LNPK: variants seen among roughly 807,000 people sequenced by gnomAD.
LNPK encodes lunapark, ER junction formation factor, also known as endoplasmic reticulum junction formation protein lunapark.
Under a neutral mutation model 55.2 loss-of-function variants are expected in LNPK, and 29 were observed. That is an observed-to-expected ratio of 0.53 (90% CI 0.39 to 0.72). The LOEUF (loss-of-function observed/expected upper bound fraction) is 0.72. LNPK is among the 30% of genes least tolerant of loss of function. The pLI is 0.00. For synonymous variants in LNPK, 162 were observed against 168.2 expected (o/e 0.96, Z 0.29); for missense variants, 467 against 494.8 (o/e 0.94, Z 0.53).
At chr2:175,957,570 T>C (rs1011992257) in intron 8 of LNPK, among the ~76,000 whole-genome samples, 4 of 151,878 alleles carry the variant, frequency 2.6e-5, no homozygotes, top group African/African-American at 7.3e-5. Context: ...TTATTCCACA[T>C]GGATACTATT....
chr2:175,928,529 AACT>A lies in LNPK; in HGVS notation c.*1435_*1437del, dbSNP rs1445839747. The A allele has an allele frequency of 1.4e-5, 2 of 143,796 alleles. No individual in the cohort carries two copies. The highest frequency in any genetic ancestry group is 3.1e-5 in the Non-Finnish European group (2 of 65,148). 8.9% of individuals were successfully genotyped at this position (143,796 alleles called of 1,614,324 possible). On this transcript the variant is annotated 3_prime_UTR_variant, in exon 13 of 13. Coordinates refer to ENST00000272748, the MANE Select transcript of LNPK (RefSeq NM_030650.3). The stretch of plus-strand genomic sequence containing the variant: ...AGTTCCAAAAAAAAAAAAAAAAAAA[AACT>A]GTCACATATGAGATATTAAATCATA...
chr2:175,998,657 CTGAAA>C (rs1463024090), intron 1 of LNPK, among the ~76,000 whole-genome samples: 5 of 152,030 alleles, frequency 3.3e-5, no homozygotes, highest in South Asian at 2.1e-4. Context: ...AACAAATCTA[CTGAAA>C]TGAAAAGTGA....
At chr2:175,937,733 G>A (rs1684623817) in intron 11 of LNPK, 2 of 381,022 alleles carry the variant, frequency 5.2e-6, no homozygotes, top group Non-Finnish European at 4.7e-6. Context: ...AGGCAGAAAA[G>A]GCATAACAGG....
In LNPK at chr2:175,985,434, T is replaced by A. The variant is rs915621526; in HGVS notation, c.258-5566A>T. 3.3e-5 allele frequency among the ~76,000 whole-genome samples: 5 copies of A among 152,250 alleles called. 1 individual carries two copies. The highest frequency in any genetic ancestry group is 6.3e-3 in the Middle Eastern group (2 of 316). ...TTAATATTTGTTGATATGAAAGACG[T>A]TGGTCTGTTTTGAAACAACTTTTTT... On this transcript the variant is annotated intron_variant, in intron 4 of 12. Transcript: ENST00000272748.
Position 175,991,347 on chromosome 2 carries a change from A to G in LNPK, c.257+884T>C, listed in dbSNP as rs186349872. The stretch of plus-strand genomic sequence containing the variant: ...AAAGCATTCCAAAAGATTTCAAAAA[A>G]TGAAAATAAAGAAAGTAGCAGAGAT... On this transcript the variant is annotated intron_variant, in intron 4 of 12. Coordinates refer to ENST00000272748, the MANE Select transcript of LNPK (RefSeq NM_030650.3). Among the ~76,000 whole-genome samples the G allele has an allele frequency of 2.6e-5, 4 of 152,340 alleles. No homozygotes were observed. In the East Asian group the frequency reaches 5.8e-4, roughly 22 times the overall value.
chr2:175,983,274 A>G (rs1687257800), intron 4 of LNPK, among the ~76,000 whole-genome samples: 1 of 152,154 alleles, frequency 6.6e-6, no homozygotes. Context: ...TTCTGTTCCT[A>G]TGGCAAGGGG....
intron 6 of LNPK, among the ~76,000 whole-genome samples, chr2:175,965,933 G>A (rs1419233147): frequency 6.6e-6 from 1 of 152,148 alleles, no homozygotes; most frequent in Non-Finnish European, 1.5e-5. Flanking sequence ...TTTTTTAGCA[G>A]TGTTGTGCAG....
At position 175,929,107 on chromosome 2, in the gene LNPK, A is replaced by C; in HGVS notation, c.*860T>G. On this transcript the variant is annotated 3_prime_UTR_variant, in exon 13 of 13. Coordinates refer to ENST00000272748, the MANE Select transcript of LNPK (RefSeq NM_030650.3). ...ACTGTTTGAAGAAGACTAGATATTTAGCAAAATGAAACTGATGCCAGATTA... is the reference window on the plus strand; with the variant it reads ...ACTGTTTGAAGAAGACTAGATATTTCGCAAAATGAAACTGATGCCAGATTA... 1.0e-6 allele frequency: 1 copy of C among 985,526 alleles called. No individual in the cohort carries two copies. Among genetic ancestry groups the C allele is most frequent in the East Asian group, 1.1e-4 (1 of 8,818 alleles). The allele number at this position is 985,526 out of a possible 1,614,324, so 61.0% of individuals were successfully genotyped here.
At chr2:175,985,049 C>A (rs1188418119) in intron 4 of LNPK, among the ~76,000 whole-genome samples, 1 of 152,224 alleles carries the variant, frequency 6.6e-6, no homozygotes, top group African/African-American at 2.4e-5. Flanking sequence ...ACACACTGAA[C>A]AACTTGGATG....
At chr2:175,998,690 T>G (rs932586897) in intron 1 of LNPK, among the ~76,000 whole-genome samples, 1 of 152,068 alleles carries the variant, frequency 6.6e-6, no homozygotes, top group African/African-American at 2.4e-5. Context: ...GCACAAGAAA[T>G]AGTATTAGTA....
chr2:176,002,329 G>C (rs187709521), upstream of LNPK: 11 of 422,724 alleles, frequency 2.6e-5, no homozygotes, highest in Admixed American at 2.7e-5. Flanking sequence ...TTGGCGCCGC[G>C]GTCGGCGCGC....
intron 9 of LNPK, among the ~76,000 whole-genome samples, chr2:175,946,069 C>T (rs575978462): frequency 6.6e-6 from 1 of 152,230 alleles, no homozygotes; most frequent in African/African-American, 2.4e-5. Flanking sequence ...AATTTAAACA[C>T]AGTCTTTCAC....
intron 4 of LNPK, among the ~76,000 whole-genome samples, chr2:175,983,836 C>T (rs1189894696): frequency 6.6e-6 from 1 of 150,484 alleles, no homozygotes; most frequent in South Asian, 2.1e-4. Flanking sequence ...TTCCAAAAAA[C>T]GTTGACTGAG....
chr2:175,958,888 G>C (rs1417954915), intron 8 of LNPK, among the ~76,000 whole-genome samples: 1 of 152,152 alleles, frequency 6.6e-6, no homozygotes, highest in African/African-American at 2.4e-5. Context: ...TGACCTGATG[G>C]AGCTGAAAAC....
At chr2:175,959,091 T>G (rs372008205) in intron 8 of LNPK, among the ~76,000 whole-genome samples, 20 of 152,190 alleles carry the variant, frequency 1.3e-4, no homozygotes, top group East Asian at 7.7e-4. Context: ...CTACGTTTCA[T>G]TGGTGTACCT....
chr2:176,001,350 A>C (rs1470088361), intron 1 of LNPK, among the ~76,000 whole-genome samples: 2 of 152,190 alleles, frequency 1.3e-5, no homozygotes, highest in Non-Finnish European at 2.9e-5. Context: ...CACACACCGG[A>C]GGCCAACTGG....
At chr2:175,955,800 T>C (rs1685663011) in intron 8 of LNPK, among the ~76,000 whole-genome samples, 1 of 152,186 alleles carries the variant, frequency 6.6e-6, no homozygotes, top group East Asian at 1.9e-4. Context: ...AAATAAGAAG[T>C]TGTACTCTAT....
intron 12 of LNPK, among the ~76,000 whole-genome samples, chr2:175,934,712 ACTAT>A (rs960354691): frequency 2.0e-5 from 3 of 151,930 alleles, no homozygotes; most frequent in East Asian, 1.9e-4. Flanking sequence ...GTATTACGGT[ACTAT>A]CTATTTAACC....
At chr2:175,994,958 G>A (rs910113439) in intron 2 of LNPK, among the ~76,000 whole-genome samples, 14 of 124,088 alleles carry the variant, frequency 1.1e-4, no homozygotes, top group Non-Finnish European at 1.9e-4. Flanking sequence ...GTCTTGCTCC[G>A]TCACCCAGGC....
Sources: gnomAD v4.1 joint callset for allele counts (sites outside exome capture counted in the v4.1 genomes callset) on GRCh38, gnomAD v4.1.1 for gene constraint, MANE v1.5 for transcripts, NCBI Gene and HGNC (gene_info 2026-07-23, HGNC 2026-07-21) for gene names.